Variants in PDE1A observed in about 807,000 individuals in gnomAD.
PDE1A encodes dual specificity calcium/calmodulin-dependent 3',5'-cyclic nucleotide phosphodiesterase 1A.
Under a neutral mutation model 61.7 loss-of-function variants are expected in PDE1A, and 35 were observed. The ratio of observed to expected loss-of-function variants is 0.57; its 90% CI spans 0.43 to 0.75. PDE1A has a LOEUF of 0.75. Among genes scored for constraint, PDE1A ranks in the 30% least tolerant of loss-of-function variants. The pLI is 0.00. For missense variants in PDE1A, 597 were observed against 630.6 expected, an observed-to-expected ratio of 0.95 and a Z score of 0.57; for synonymous variants, 232 against 213.2, an observed-to-expected ratio of 1.09 and a Z score of -0.77.
chr2:182,531,727 C>A, the PDE1A span, among the ~76,000 whole-genome samples: 6 of 152,074 alleles, frequency 3.9e-5, no homozygotes, highest in Non-Finnish European at 7.4e-5. Flanking sequence ...ATACTTTAAG[C>A]TCTAGAGTAC....
chr2:182,177,389 T>G (rs987475274), intron 13 of PDE1A, among the ~76,000 whole-genome samples: 1 of 151,948 alleles, frequency 6.6e-6, no homozygotes, highest in African/African-American at 2.4e-5. Context: ...ATTCAGAGAT[T>G]CAACTTCTTC....
chr2:182,547,842 G>T, the PDE1A span, among the ~76,000 whole-genome samples: 1 of 152,132 alleles, frequency 6.6e-6, no homozygotes, highest in African/African-American at 2.4e-5. Flanking sequence ...TGAATTAACT[G>T]ATAAAGTAAT....
chr2:182,407,967 A>G (rs1702397203), intron 1 of PDE1A, among the ~76,000 whole-genome samples: 1 of 152,160 alleles, frequency 6.6e-6, no homozygotes, highest in African/African-American at 2.4e-5. Context: ...TAAACTCAAC[A>G]GCATCCACAG....
chr2:182,691,773 A>C, the PDE1A span, among the ~76,000 whole-genome samples: 70 of 152,182 alleles, frequency 4.6e-4, no homozygotes, highest in African/African-American at 1.5e-3. Flanking sequence ...ATTTTTACAA[A>C]CTACTCATGT....
chr2:182,551,404 A>G, the PDE1A span, among the ~76,000 whole-genome samples: 21 of 152,164 alleles, frequency 1.4e-4, no homozygotes, highest in Non-Finnish European at 2.4e-4. Flanking sequence ...GGGTTGTCCC[A>G]TGAGTAAGCT....
At chr2:182,374,105 C>T (rs1473899320) in intron 1 of PDE1A, among the ~76,000 whole-genome samples, 1 of 152,056 alleles carries the variant, frequency 6.6e-6, no homozygotes, top group African/African-American at 2.4e-5. Flanking sequence ...AAAATTTAGT[C>T]AATCCACATA....
intron 2 of PDE1A, among the ~76,000 whole-genome samples, chr2:182,450,783 G>GA (rs202189947): frequency 2.8e-4 from 37 of 132,334 alleles, no homozygotes; most frequent in East Asian, 4.2e-4. Context: ...AAGACACAAA[G>GA]AAAAAAAAAA....
chr2:182,290,713 G>T (rs1694471107), intron 1 of PDE1A, among the ~76,000 whole-genome samples: 1 of 151,636 alleles, frequency 6.6e-6, no homozygotes, highest in African/African-American at 2.4e-5. Flanking sequence ...TCATTCTTCT[G>T]CTTAGATGAT....
the PDE1A span, among the ~76,000 whole-genome samples, chr2:182,625,586 G>A: frequency 6.6e-6 from 1 of 152,140 alleles, no homozygotes; most frequent in South Asian, 2.1e-4. Flanking sequence ...ATAACTCTTG[G>A]CTGAATGGAT....
intron 1 of PDE1A, among the ~76,000 whole-genome samples, chr2:182,308,480 A>G (rs1022727187): frequency 6.6e-6 from 1 of 152,106 alleles, no homozygotes; most frequent in Non-Finnish European, 1.5e-5. Flanking sequence ...AAATCTTGGT[A>G]TAATAAGCAA....
At chr2:182,361,585 C>T (rs780762298) in intron 1 of PDE1A, among the ~76,000 whole-genome samples, 5 of 152,114 alleles carry the variant, frequency 3.3e-5, no homozygotes, top group Middle Eastern at 3.4e-3. Flanking sequence ...CACAGTTCAG[C>T]CTCATATCTC....
At chr2:182,189,428 T>C (rs1330780332) in intron 10 of PDE1A, among the ~76,000 whole-genome samples, 1 of 152,220 alleles carries the variant, frequency 6.6e-6, no homozygotes, top group African/African-American at 2.4e-5. Flanking sequence ...AGTTAATTTA[T>C]TTATGCCAAG....
chr2:182,462,963 G>T (rs1198473993), intron 2 of PDE1A, among the ~76,000 whole-genome samples: 2 of 152,004 alleles, frequency 1.3e-5, no homozygotes, highest in African/African-American at 4.8e-5. Context: ...AGGGTAGGCC[G>T]GGTGCGGTGG....
At chr2:182,712,033 C>T in the PDE1A span, among the ~76,000 whole-genome samples, 5 of 152,280 alleles carry the variant, frequency 3.3e-5, no homozygotes, top group Middle Eastern at 3.4e-3. Flanking sequence ...AACAATGAGA[C>T]GAATCAAAAT....
chr2:182,550,577 G>A, the PDE1A span, among the ~76,000 whole-genome samples: 50 of 152,240 alleles, frequency 3.3e-4, no homozygotes, highest in East Asian at 9.3e-3. Flanking sequence ...ATATGTTAAT[G>A]AACAATTACG....
chr2:182,648,320 C>T, the PDE1A span, among the ~76,000 whole-genome samples: 1 of 151,564 alleles, frequency 6.6e-6, no homozygotes, highest in Non-Finnish European at 1.5e-5. Context: ...CTGATTCAGA[C>T]GAGCAGAACA....
the PDE1A span, among the ~76,000 whole-genome samples, chr2:182,555,331 T>C: frequency 7.2e-5 from 11 of 152,332 alleles, no homozygotes; most frequent in Middle Eastern, 3.4e-3. Context: ...CGTTTGATAA[T>C]AGAAGTAAGA....
chr2:182,407,671 G>A (rs558585812), intron 1 of PDE1A, among the ~76,000 whole-genome samples: 46 of 152,068 alleles, frequency 3.0e-4, no homozygotes, highest in Non-Finnish European at 5.6e-4. Context: ...GTGAGCCACC[G>A]TGCCCGGCCA....
chr2:182,705,704 A>C, the PDE1A span, among the ~76,000 whole-genome samples: 1 of 152,084 alleles, frequency 6.6e-6, no homozygotes, highest in Admixed American at 6.5e-5. Flanking sequence ...CATAGAGACC[A>C]GGTTTTGCCA....
Sources: gnomAD v4.1 joint callset for allele counts (sites outside exome capture counted in the v4.1 genomes callset) on GRCh38, gnomAD v4.1.1 for gene constraint, MANE v1.5 for transcripts, NCBI Gene and HGNC (gene_info 2026-07-23, HGNC 2026-07-21) for gene names.